The following LIN54 variants were observed in gnomAD, a reference collection of about 807,000 sequenced individuals.
LIN54 encodes lin-54 DREAM MuvB core complex component.
A neutral mutation model predicts 78.7 loss-of-function variants in LIN54; 9 were observed. The observed-to-expected ratio is 0.11, with a 90% CI of 0.07 to 0.20. LIN54 has a LOEUF of 0.20. Among genes scored for constraint, LIN54 ranks in the 10% least tolerant of loss-of-function variants. The pLI is 1.00. For synonymous variants in LIN54, 269 were observed against 318.4 expected, an observed-to-expected ratio of 0.84 and a Z score of 1.65; for missense variants, 573 against 889.9, an observed-to-expected ratio of 0.64 and a Z score of 4.53.
rs1721466842 is a variant in LIN54, at chr4:82,926,358, CATTTAAAG to C, written c.*1736_*1743del. ...GTGCTAAGAATGTTTGAACTATCTACATTTAAAGTTACTGCACTATGATTTTATAAATC... is the reference window on the plus strand; with the variant it reads ...GTGCTAAGAATGTTTGAACTATCTACTTACTGCACTATGATTTTATAAATC... On this transcript the variant is annotated 3_prime_UTR_variant, in exon 13 of 13. Coordinates refer to ENST00000340417, the MANE Select transcript of LIN54 (RefSeq NM_194282.4). The C allele has an allele frequency of 6.6e-6, 1 of 152,174 alleles. No homozygotes were observed. Among genetic ancestry groups the C allele is most frequent in the East Asian group, 1.9e-4 (1 of 5,196 alleles). 9.4% of individuals were successfully genotyped at this position (152,174 alleles called of 1,614,324 possible).
intron 1 of LIN54, among the ~76,000 whole-genome samples, chr4:82,992,935 G>A (rs1727858476): frequency 1.3e-5 from 2 of 151,548 alleles, no homozygotes; most frequent in South Asian, 2.1e-4. Flanking sequence ...GGCTGAGGCA[G>A]GAGAATGGCG....
At chr4:82,932,831 A>AATAT (rs1553946030) in intron 11 of LIN54, among the ~76,000 whole-genome samples, 2 of 151,252 alleles carry the variant, frequency 1.3e-5, no homozygotes, top group South Asian at 4.2e-4. Context: ...ATCTCAAAAA[A>AATAT]ATATATATAT....
intron 11 of LIN54, among the ~76,000 whole-genome samples, chr4:82,934,338 G>A (rs1045873469): frequency 4.6e-5 from 7 of 152,152 alleles, no homozygotes; most frequent in African/African-American, 1.2e-4. Context: ...CCCAGGAGAC[G>A]GATATTACAG....
At chr4:82,939,477 A>G (rs1722656743) in intron 7 of LIN54, 62 bp downstream of exon 7, 4 of 1,339,724 alleles carry the variant, frequency 3.0e-6, no homozygotes, top group East Asian at 2.3e-5. Context: ...CTGTGATAGC[A>G]CTAGACATCT....
chr4:82,952,340 T>C (rs939124873), intron 4 of LIN54, among the ~76,000 whole-genome samples: 2 of 152,128 alleles, frequency 1.3e-5, no homozygotes, highest in Non-Finnish European at 2.9e-5. Context: ...CCAAATAAGA[T>C]ATAGAAATGG....
Position 82,984,442 on chromosome 4 carries a change from G to A in LIN54, c.403C>T (p.Pro135Ser). ...DLKLGNQTLKPDGQKLILTTL... is the reference protein window; with the variant it reads ...DLKLGNQTLKSDGQKLILTTL... ...GTTAAAATTAACTTCTGTCCATCTG[G>A]TTTAAGGGTCTGATTGCCAAGTTTA... is the stretch of plus-strand genomic sequence containing the variant. The change falls in exon 2 of 13, where the codon CCA becomes TCA. Residue 135 changes from proline (P) to serine (S), a missense_variant. Around this residue, in one of 6 missense-constraint regions of LIN54, gnomAD observed 183 missense variants for 228.4 expected, o/e 0.80. Transcript: ENST00000340417. The A allele has an allele frequency of 6.2e-7, 1 of 1,614,188 alleles. No homozygotes were observed. Among genetic ancestry groups the A allele is most frequent in the South Asian group, 1.1e-5 (1 of 91,080 alleles).
At chr4:82,971,373 T>C (rs1725635629) in intron 3 of LIN54, among the ~76,000 whole-genome samples, 1 of 151,390 alleles carries the variant, frequency 6.6e-6, no homozygotes, top group Non-Finnish European at 1.5e-5. Context: ...ACAGCATTTA[T>C]TACTGCCTAT....
intron 12 of LIN54, among the ~76,000 whole-genome samples, chr4:82,929,597 G>A (rs563004317): frequency 1.3e-5 from 2 of 152,046 alleles, no homozygotes; most frequent in Admixed American, 6.6e-5. Context: ...CTGAGGTCAG[G>A]CGTTCAAGAC....
At chr4:82,947,237 T>A (rs4693529) in intron 4 of LIN54, among the ~76,000 whole-genome samples, 8 of 22,948 alleles carry the variant, frequency 3.5e-4, no homozygotes, top group African/African-American at 9.1e-4. Context: ...ATATATATAT[T>A]TTTTTTTTTT....
At chr4:83,001,941 AG>A (rs754576752) in intron 1 of LIN54, among the ~76,000 whole-genome samples, 13,620 of 18,158 alleles carry the variant, frequency 0.75, 6,683 homozygotes, top group Non-Finnish European at 0.93. Context: ...GAAGGAAGGA[AG>A]GAAGGAAGGA....
chr4:82,947,683 A>G (rs1209057043), intron 4 of LIN54, among the ~76,000 whole-genome samples: 2 of 152,164 alleles, frequency 1.3e-5, no homozygotes, highest in African/African-American at 2.4e-5. Flanking sequence ...GCAGAACACA[A>G]TAGTCTTTTG....
At chr4:83,010,430 C>CCCCCAAAAA in intron 1 of LIN54, 54 bp downstream of exon 1, 2 of 577,000 alleles carry the variant, frequency 3.5e-6, no homozygotes, top group Non-Finnish European at 4.5e-6. Context: ...CCCATCCCCC[C>CCCCCAAAAA]AAATAAAGAG....
chr4:82,984,705 A>G lies in LIN54; in HGVS notation c.140T>C (p.Ile47Thr), dbSNP rs751707328. 3 of 1,614,110 alleles carry G rather than the reference A, an allele frequency of 1.9e-6. No individual in the cohort carries two copies. Among genetic ancestry groups the G allele is most frequent in the Admixed American group, 1.7e-5 (1 of 60,010 alleles). ...PIPMETELEE[I>T]VNINSTGDST... ...GTCACCAGTAGAATTTATGTTGACA[A>G]TTTCTTCCAGTTCTGTCTCCATGGG... The change falls in exon 2 of 13, where the codon ATT (isoleucine) becomes ACT (threonine). Residue 47 changes from isoleucine (I) to threonine (T), a missense_variant. Coordinates refer to ENST00000340417, the MANE Select transcript of LIN54 (RefSeq NM_194282.4).
intron 5 of LIN54, among the ~76,000 whole-genome samples, chr4:82,942,102 C>T (rs1722948731): frequency 1.3e-5 from 2 of 151,582 alleles, no homozygotes; most frequent in Non-Finnish European, 2.9e-5. Context: ...AATAAATTTC[C>T]TTAGATAGAA....
intron 11 of LIN54, 110 bp from the exon 12 acceptor site, chr4:82,931,255 T>C: frequency 1.3e-6 from 1 of 762,028 alleles, no homozygotes; most frequent in Middle Eastern, 3.6e-4. Context: ...CAACTGATAA[T>C]AAGATTAGAT....
chr4:82,928,929 G>A (rs1721711884), intron 12 of LIN54, among the ~76,000 whole-genome samples: 1 of 152,164 alleles, frequency 6.6e-6, no homozygotes, highest in African/African-American at 2.4e-5. Context: ...GTATTAAATT[G>A]GAGCAACCCA....
At position 82,943,961 on chromosome 4, in the gene LIN54, C is replaced by T. The variant is rs184756615; in HGVS notation, c.1168+2297G>A. The stretch of plus-strand genomic sequence containing the variant: ...TCAGCTCACTGCAACCTCTGCCTCC[C>T]GGGTTCAAGTGATTCTCCTGCCTCA... On this transcript the variant is annotated intron_variant, in intron 5 of 12. Coordinates refer to ENST00000340417, the MANE Select transcript of LIN54 (RefSeq NM_194282.4). Among the ~76,000 whole-genome samples, 152 of 150,648 alleles carry T rather than the reference C, an allele frequency of 1.0e-3. 3 individuals are homozygous for T. The highest frequency in any genetic ancestry group is 6.2e-3 in the Admixed American group (94 of 15,156).
At position 82,974,920 on chromosome 4, in the gene LIN54, T is replaced by C. The variant is rs142043814; in HGVS notation, c.808+3963A>G. The stretch of plus-strand genomic sequence containing the variant: ...GGGATGGTGGCTGCCGGAAGCTGGA[T>C]TGGGGAAGGAAGAATAAGGAGTTTT... On this transcript the variant is annotated intron_variant, in intron 3 of 12. Coordinates refer to ENST00000340417, the MANE Select transcript of LIN54 (RefSeq NM_194282.4). Among the ~76,000 whole-genome samples the C allele has an allele frequency of 3.0e-3, 448 of 150,496 alleles. 4 individuals carry two copies. Among genetic ancestry groups the C allele is most frequent in the African/African-American group, 0.01 (415 of 40,882 alleles).
intron 1 of LIN54, among the ~76,000 whole-genome samples, chr4:83,006,628 T>C (rs1424553448): frequency 2.0e-5 from 3 of 151,986 alleles, no homozygotes; most frequent in Non-Finnish European, 4.4e-5. Flanking sequence ...AATTCCAAAT[T>C]AGTCACATAC....
Sources: allele counts gnomAD v4.1 joint callset (sites outside exome capture counted in the v4.1 genomes callset), GRCh38; gene constraint gnomAD v4.1.1; regional missense constraint gnomAD v4.1.1; transcripts MANE v1.5; gene names NCBI Gene and HGNC (gene_info 2026-07-23, HGNC 2026-07-21).